USP9X: variants seen among roughly 807,000 people sequenced by gnomAD.
The protein encoded by USP9X is ubiquitin specific peptidase 9 X-linked, also known as ubiquitin carboxyl-terminal hydrolase 9X.
A neutral mutation model predicts 190.3 loss-of-function variants in USP9X; 7 were observed. The ratio of observed to expected loss-of-function variants is 0.04; its 90% confidence interval spans 0.02 to 0.07. The LOEUF is 0.07. USP9X is among the 10% of genes least tolerant of loss of function. USP9X has a pLI of 1.00. For synonymous variants in USP9X, 645 were observed against 659.5 expected (o/e 0.98, Z 0.34); for missense variants, 1,010 against 1,916.9 (o/e 0.53, Z 8.83).
rs1352305269 is a variant in USP9X, at chrX:41,214,604, A to G, written c.5226A>G (p.Val1742=). The G allele has an allele frequency of 8.4e-7, 1 of 1,192,196 alleles. No homozygotes were observed. The highest frequency in any genetic ancestry group is 1.1e-6 in the Non-Finnish European group (1 of 888,974). The change falls in exon 34 of 45, where the codon GTA becomes GTG. Residue 1742 remains valine, a synonymous_variant. Coordinates refer to ENST00000378308, the MANE Select transcript of USP9X (RefSeq NM_001039591.3). ...ECEESFTTLN[V]DIRNHQNLLD... ...AAGAATCTTTTACGACCCTAAACGT[A>G]GACATTAGAAATCACCAAAATCTTC...
chrX:41,192,739 AC>A (rs2062948660), intron 26 of USP9X, among the ~76,000 whole-genome samples: 1 of 111,729 alleles, frequency 9.0e-6, no homozygotes, highest in African/African-American at 3.3e-5. Context: ...TCTACAAGAC[AC>A]TACCCACTGT....
intron 1 of USP9X, among the ~76,000 whole-genome samples, chrX:41,120,051 TTAG>T (rs2062178556): frequency 8.9e-6 from 1 of 112,321 alleles, no homozygotes; most frequent in Non-Finnish European, 1.9e-5. Context: ...TTCTATGTCT[TTAG>T]ACTCACCAGT....
At chrX:41,159,610 A>G (rs764526147) in intron 14 of USP9X, among the ~76,000 whole-genome samples, 1 of 110,413 alleles carries the variant, frequency 9.1e-6, no homozygotes, top group African/African-American at 3.3e-5. Context: ...GCACACTGCA[A>G]CCTCCGCGTC....
intron 19 of USP9X, 33 bp from the exon 20 acceptor site, chrX:41,170,437 G>GT: frequency 8.4e-7 from 1 of 1,190,259 alleles, no homozygotes; most frequent in Non-Finnish European, 1.1e-6. Flanking sequence ...ATTTTTCCTT[G>GT]TTTTTGATAT....
At chrX:41,219,288 T>C in intron 38 of USP9X, 57 bp downstream of exon 38, 2 of 1,085,438 alleles carry the variant, frequency 1.8e-6, no homozygotes, top group African/African-American at 3.6e-5. Flanking sequence ...AATTGTGAAG[T>C]CATTTAGGTC....
intron 4 of USP9X, 38 bp from the exon 5 acceptor site, chrX:41,134,687 A>G: frequency 2.7e-6 from 3 of 1,127,981 alleles, no homozygotes; most frequent in Non-Finnish European, 3.6e-6. Flanking sequence ...AACCAGATGA[A>G]CATTTTGTTT....
chrX:41,171,973 A>G lies in USP9X; in HGVS notation c.3148+15A>G, dbSNP rs1420217586. 8.3e-7 allele frequency: 1 copy of G among 1,206,899 alleles called. No homozygotes were observed. The highest frequency in any genetic ancestry group is 1.8e-5 in the African/African-American group (1 of 56,903). ...TATGCCGCCAGGTAAGAATTTTTAA[A>G]TGATGATCAAGTACTTGCTGGACAA... On this transcript the variant is annotated intron_variant, in intron 21 of 44. Coordinates refer to ENST00000378308, the MANE Select transcript of USP9X (RefSeq NM_001039591.3).
At chrX:41,185,378 T>G (rs1212299462) in intron 23 of USP9X, among the ~76,000 whole-genome samples, 1 of 111,471 alleles carries the variant, frequency 9.0e-6, no homozygotes, top group Non-Finnish European at 1.9e-5. Flanking sequence ...CCCCCTATAT[T>G]TTTGAAGTGA....
chrX:41,085,765 G>C lies in USP9X; in HGVS notation c.-503G>C. 2 of 299,652 alleles carry C rather than the reference G, an allele frequency of 6.7e-6. No individual in the cohort carries two copies. The highest frequency in any genetic ancestry group is 1.2e-5 in the Non-Finnish European group (2 of 171,751). 24.7% of individuals were successfully genotyped at this position (299,652 alleles called of 1,213,427 possible). On this transcript the variant is annotated 5_prime_UTR_variant, in exon 1 of 45. Coordinates refer to ENST00000378308, the MANE Select transcript of USP9X (RefSeq NM_001039591.3). ...GGTGAAGCCGTCGCTGCAGGAGGAG[G>C]AGCAGGAGGAGGTGACGCAGGAGAA... is the stretch of plus-strand genomic sequence containing the variant.
At chrX:41,112,698 C>A (rs764575131) in intron 1 of USP9X, among the ~76,000 whole-genome samples, 17 of 111,761 alleles carry the variant, frequency 1.5e-4, no homozygotes, top group Admixed American at 7.6e-4. Context: ...TTCGCCTTGC[C>A]CACAGGGTGG....
chrX:41,171,125 C>G (rs778475668), intron 20 of USP9X, among the ~76,000 whole-genome samples: 1 of 111,925 alleles, frequency 8.9e-6, no homozygotes, highest in Admixed American at 9.5e-5. Context: ...GTTCAAGAGT[C>G]AGCTGTATCA....
chrX:41,203,845 G>A (rs1318757444), intron 31 of USP9X, among the ~76,000 whole-genome samples: 3 of 110,650 alleles, frequency 2.7e-5, no homozygotes, highest in Non-Finnish European at 5.7e-5. Flanking sequence ...CTACAGGCAC[G>A]CACCACCATA....
At chrX:41,212,633 A>T (rs2063176801) in intron 33 of USP9X, among the ~76,000 whole-genome samples, 1 of 111,547 alleles carries the variant, frequency 9.0e-6, no homozygotes, top group South Asian at 3.7e-4. Context: ...TTACTTTGGG[A>T]CTTGTTATAA....
At chrX:41,127,980 A>T (rs887532595) in intron 2 of USP9X, among the ~76,000 whole-genome samples, 4 of 112,218 alleles carry the variant, frequency 3.6e-5, no homozygotes, top group African/African-American at 1.3e-4. Context: ...TAAAGGTCAT[A>T]AAAGTTCATT....
chrX:41,158,424 A>G (rs1424171025), intron 14 of USP9X, among the ~76,000 whole-genome samples: 2 of 111,212 alleles, frequency 1.8e-5, no homozygotes, highest in Non-Finnish European at 3.8e-5. Context: ...CAGTAGGACA[A>G]CATATTCAAA....
At position 41,232,660 on chromosome X, in the gene USP9X, C is replaced by G; in HGVS notation, c.*136C>G. On this transcript the variant is annotated 3_prime_UTR_variant, in exon 45 of 45. Transcript: ENST00000378308. ...ATGGAGTGGAGAGTTTATTCACTGT[C>G]TTATCTGCAGAAATTTGCTGTCAAT... is the stretch of plus-strand genomic sequence containing the variant. The G allele has an allele frequency of 1.2e-6, 1 of 867,177 alleles. No homozygotes were observed. The allele number at this position is 867,177 out of a possible 1,213,427, so 71.5% of individuals were successfully genotyped here.
In USP9X at chrX:41,170,226, A is replaced by C; in HGVS notation, c.2868A>C (p.Lys956Asn). The C allele has an allele frequency of 8.3e-7, 1 of 1,209,412 alleles. No individual in the cohort carries two copies. The highest frequency in any genetic ancestry group is 1.1e-6 in the Non-Finnish European group (1 of 893,634). Residue 956 changes from lysine to asparagine, a missense_variant, in exon 19 of 45, where the codon AAA becomes AAC. Coordinates refer to ENST00000378308, the MANE Select transcript of USP9X (RefSeq NM_001039591.3). ...DRKLIGQLNL[K>N]DKSLITAKLT... ...AGTTGATTGGACAATTAAACTTAAA[A>C]GATAAATCGGTATGTATGTATAGTT...
intron 31 of USP9X, among the ~76,000 whole-genome samples, chrX:41,203,408 A>G (rs933609851): frequency 1.8e-5 from 2 of 112,052 alleles, no homozygotes; most frequent in Non-Finnish European, 3.8e-5. Flanking sequence ...TACTCTACAT[A>G]CCTCATATAA....
chrX:41,085,623 C>T lies in USP9X; in HGVS notation c.-645C>T, dbSNP rs2061903199. ...GCGGGAGCCCGCCGCCGCCGCCTCT[C>T]TCTCACGGGAGGCGGCCGCCTTAGC... On this transcript the variant is annotated 5_prime_UTR_variant, in exon 1 of 45. Coordinates refer to ENST00000378308, the MANE Select transcript of USP9X (RefSeq NM_001039591.3). 1 of 289,242 alleles carries T rather than the reference C, an allele frequency of 3.5e-6. No individual in the cohort carries two copies. Among genetic ancestry groups the T allele is most frequent in the Non-Finnish European group, 6.1e-6 (1 of 164,805 alleles). The allele number at this position is 289,242 out of a possible 1,213,427, so 23.8% of individuals were successfully genotyped here.
Sources: allele counts gnomAD v4.1 joint callset (sites outside exome capture counted in the v4.1 genomes callset), GRCh38; gene constraint gnomAD v4.1.1; transcripts MANE v1.5; gene names NCBI Gene and HGNC (gene_info 2026-07-23, HGNC 2026-07-21).